CFAP299: variants seen among roughly 807,000 people sequenced by gnomAD.
CFAP299 encodes cilia and flagella associated protein 299, also known as cilia- and flagella-associated protein 299.
CFAP299 carries 21 observed loss-of-function variants against 27.0 expected under a neutral mutation model. The observed-to-expected ratio is 0.78, with a 90% CI of 0.55 to 1.12. The LOEUF (loss-of-function observed/expected upper bound fraction) is 1.12, where lower values mean the gene tolerates loss of function less well. CFAP299 is among the 50% of genes most tolerant of loss of function. The pLI, the probability that CFAP299 is intolerant of heterozygous loss-of-function variation, is 0.00. For synonymous variants in CFAP299, 104 were observed against 98.1 expected, an observed-to-expected ratio of 1.06 and a Z score of -0.36; for missense variants, 310 against 276.6, an observed-to-expected ratio of 1.12 and a Z score of -0.86.
rs140288123 is a variant in CFAP299 at position 80,661,250 on chromosome 4, C to T, written c.333+78067C>T. On this transcript the variant is annotated intron_variant, in intron 3 of 5. Coordinates refer to ENST00000358105, the MANE Select transcript of CFAP299 (RefSeq NM_152770.3). The stretch of plus-strand genomic sequence containing the variant: ...CTGCAACAAGAGAATTGCTTGAACC[C>T]AGGAGTCGGAGGTTGCAGTGAGCCC... Among the ~76,000 whole-genome samples, 379 of 150,230 alleles carry T rather than the reference C, an allele frequency of 2.5e-3. 4 individuals carry two copies. The highest frequency in any genetic ancestry group is 7.6e-3 in the African/African-American group (311 of 40,664).
At chr4:80,685,822 TC>T (rs557526146) in intron 3 of CFAP299, among the ~76,000 whole-genome samples, 49 of 152,188 alleles carry the variant, frequency 3.2e-4, no homozygotes, top group African/African-American at 1.1e-3. Context: ...TTTTTGAAGG[TC>T]CCCATGGACC....
intron 1 of CFAP299, among the ~76,000 whole-genome samples, chr4:80,351,575 A>C (rs1233127895): frequency 1.3e-5 from 2 of 152,038 alleles, no homozygotes; most frequent in Admixed American, 1.3e-4. Flanking sequence ...TGGGACTAAT[A>C]AGAAAGAAAT....
intron 3 of CFAP299, among the ~76,000 whole-genome samples, chr4:80,677,673 A>G (rs926885568): frequency 1.3e-5 from 2 of 152,112 alleles, no homozygotes; most frequent in African/African-American, 4.8e-5. Flanking sequence ...TTTCATAAAT[A>G]TCTAGTGCAA....
At chr4:80,752,369 T>G (rs921172640) in intron 3 of CFAP299, among the ~76,000 whole-genome samples, 4 of 149,282 alleles carry the variant, frequency 2.7e-5, no homozygotes, top group African/African-American at 9.8e-5. Flanking sequence ...AGTTTTCTTT[T>G]ATTGTGTTTC....
chr4:80,480,270 A>T (rs1251093598), intron 2 of CFAP299, among the ~76,000 whole-genome samples: 3 of 151,688 alleles, frequency 2.0e-5, no homozygotes, highest in South Asian at 2.1e-4. Context: ...GCATAATAAA[A>T]TTTTTTTTAA....
intron 5 of CFAP299, among the ~76,000 whole-genome samples, chr4:80,959,809 A>G (rs1347791479): frequency 6.6e-6 from 1 of 151,968 alleles, no homozygotes; most frequent in Non-Finnish European, 1.5e-5. Flanking sequence ...CCAATTATGA[A>G]TGGCAAAAAT....
intron 2 of CFAP299, among the ~76,000 whole-genome samples, chr4:80,581,533 G>T (rs1736175765): frequency 7.3e-6 from 1 of 136,438 alleles, no homozygotes. Context: ...AAGCAGACAA[G>T]TTATGATCAA....
Position 80,472,674 on chromosome 4 carries a change from C to A in CFAP299, c.242+109790C>A, listed in dbSNP as rs549899415. 5.0e-4 allele frequency among the ~76,000 whole-genome samples: 76 copies of A among 152,286 alleles called. 1 individual carries two copies. Among genetic ancestry groups the A allele is most frequent in the African/African-American group, 1.8e-3 (73 of 41,546 alleles). On this transcript the variant is annotated intron_variant, in intron 2 of 5. Coordinates refer to ENST00000358105, the MANE Select transcript of CFAP299 (RefSeq NM_152770.3). ...AGCCGGCTGGACAGGAGAACCATAACCACTTATTAAAAGCATGCAGTTTAT... is the reference window on the plus strand; with the variant it reads ...AGCCGGCTGGACAGGAGAACCATAAACACTTATTAAAAGCATGCAGTTTAT...
chr4:80,949,733 G>A (rs752217736), intron 5 of CFAP299, among the ~76,000 whole-genome samples: 22 of 152,070 alleles, frequency 1.4e-4, no homozygotes, highest in South Asian at 8.3e-4. Flanking sequence ...TGGCTTCTGC[G>A]TTGGATTGAA....
intron 2 of CFAP299, among the ~76,000 whole-genome samples, chr4:80,574,686 T>C (rs573411356): frequency 6.6e-6 from 1 of 152,128 alleles, no homozygotes; most frequent in African/African-American, 2.4e-5. Context: ...TAAATTTTAC[T>C]AAATAATTTC....
chr4:80,677,659 AT>A (rs980989422), intron 3 of CFAP299, among the ~76,000 whole-genome samples: 1 of 152,016 alleles, frequency 6.6e-6, no homozygotes, highest in African/African-American at 2.4e-5. Context: ...ACAAATCTAT[AT>A]TTTTTCATAA....
At chr4:80,567,968 C>T (rs1735393179) in intron 2 of CFAP299, among the ~76,000 whole-genome samples, 1 of 151,420 alleles carries the variant, frequency 6.6e-6, no homozygotes, top group African/African-American at 2.4e-5. Context: ...GTGAAAGCCT[C>T]GCTTTTAAAA....
chr4:80,908,823 C>T (rs1387909379), intron 4 of CFAP299, among the ~76,000 whole-genome samples: 1 of 152,042 alleles, frequency 6.6e-6, no homozygotes, highest in Admixed American at 6.6e-5. Flanking sequence ...TACTGTTGTG[C>T]TTGATGTATA....
At chr4:80,552,092 A>G (rs975464574) in intron 2 of CFAP299, among the ~76,000 whole-genome samples, 19 of 152,270 alleles carry the variant, frequency 1.2e-4, no homozygotes, top group African/African-American at 3.8e-4. Flanking sequence ...TATTTAAGAT[A>G]AAAGCATTCT....
In CFAP299 at chr4:80,558,350, G is replaced by GTTTTTT. The variant is rs1352651407; in HGVS notation, c.243-24740_243-24739insTTTTTT. On this transcript the variant is annotated intron_variant, in intron 2 of 5. Transcript: ENST00000358105. ...GAAGACTTTTGTGGTTTTTTTGTTT[G>GTTTTTT]TTTGTTTGTTTGTTTGTTTTTTTTT... Among the ~76,000 whole-genome samples the GTTTTTT allele has an allele frequency of 1.1e-3, 148 of 132,168 alleles. 7 individuals are homozygous for GTTTTTT. The highest frequency in any genetic ancestry group is 4.2e-3 in the African/African-American group (138 of 33,016). The allele number at this position is 132,168 out of a possible 152,430, so 86.7% of individuals were successfully genotyped here.
At chr4:80,750,807 A>G (rs1480053403) in intron 3 of CFAP299, among the ~76,000 whole-genome samples, 4 of 152,178 alleles carry the variant, frequency 2.6e-5, no homozygotes, top group Non-Finnish European at 5.9e-5. Context: ...GCAAGTTAGT[A>G]TCATGTTTAG....
At chr4:80,486,589 GA>G (rs1397222527) in intron 2 of CFAP299, among the ~76,000 whole-genome samples, 1 of 152,200 alleles carries the variant, frequency 6.6e-6, no homozygotes, top group East Asian at 1.9e-4. Flanking sequence ...AATGCAATAA[GA>G]AAACAAAATG....
intron 3 of CFAP299, among the ~76,000 whole-genome samples, chr4:80,677,839 A>G (rs560693346): frequency 2.0e-5 from 3 of 152,086 alleles, no homozygotes; most frequent in Non-Finnish European, 4.4e-5. Context: ...GTGTGGCATT[A>G]GTTTAGTCCA....
At chr4:80,349,487 C>T (rs1722916719) in intron 1 of CFAP299, among the ~76,000 whole-genome samples, 1 of 152,024 alleles carries the variant, frequency 6.6e-6, no homozygotes, top group Non-Finnish European at 1.5e-5. Flanking sequence ...ATGCATAGCC[C>T]TGACATCAAT....
Sources: allele counts gnomAD v4.1 joint callset (sites outside exome capture counted in the v4.1 genomes callset), GRCh38; gene constraint gnomAD v4.1.1; transcripts MANE v1.5; gene names NCBI Gene and HGNC (gene_info 2026-07-23, HGNC 2026-07-21).